RGMA: variants seen among roughly 807,000 people sequenced by gnomAD.
The protein encoded by RGMA is repulsive guidance molecule BMP co-receptor a, also known as repulsive guidance molecule A.
Under a neutral mutation model 23.2 loss-of-function variants are expected in RGMA, and 10 were observed. The ratio of observed to expected loss-of-function variants is 0.43; its 90% confidence interval spans 0.27 to 0.73. RGMA has a LOEUF of 0.73. Ranked by LOEUF, RGMA falls within the 30% of genes least tolerant of loss-of-function variation. The probability of loss-of-function intolerance (pLI) is 0.20; values close to 1 mark genes in which losing one functional copy is unlikely to be tolerated. For missense variants in RGMA, 547 were observed against 630.5 expected (o/e 0.87, Z 1.42); for synonymous variants, 308 against 279.3 (o/e 1.10, Z -1.03).
chr15:93,047,279 C>A (rs969355956), intron 3 of RGMA, among the ~76,000 whole-genome samples: 3 of 152,164 alleles, frequency 2.0e-5, no homozygotes, highest in African/African-American at 7.2e-5. Context: ...GGGTTGGAAA[C>A]AGAGAAACTG....
chr15:93,067,296 C>T (rs1895189070), intron 2 of RGMA, among the ~76,000 whole-genome samples: 1 of 152,094 alleles, frequency 6.6e-6, no homozygotes, highest in Admixed American at 6.5e-5. Context: ...AAAAAAAATC[C>T]TGTGGTCTTT....
At chr15:93,061,326 A>G (rs1330838679) in intron 2 of RGMA, among the ~76,000 whole-genome samples, 6 of 152,000 alleles carry the variant, frequency 3.9e-5, no homozygotes, top group African/African-American at 1.2e-4. Context: ...GCTAATTTTT[A>G]TTTCAGTAGA....
chr15:93,083,403 C>G (rs1895589606), intron 1 of RGMA, among the ~76,000 whole-genome samples: 1 of 152,306 alleles, frequency 6.6e-6, no homozygotes, highest in Non-Finnish European at 1.5e-5. Context: ...TCATAGCTCA[C>G]TGCAACCCCC....
At chr15:93,066,381 T>C in intron 2 of RGMA, 1 of 707,296 alleles carries the variant, frequency 1.4e-6, no homozygotes, top group Non-Finnish European at 2.6e-6. Flanking sequence ...CTTGTTCGCG[T>C]GACTCCAGGT....
In RGMA at chr15:93,089,095, T is replaced by C. The variant is rs1479845768; in HGVS notation, c.-163A>G. ...CAGCGGCCCGGGGAGCGCCTCCTGC[T>C]CCCGGGCTGCATGCCTGCGAGCGCC... On this transcript the variant is annotated 5_prime_UTR_variant, in exon 1 of 4. Coordinates refer to ENST00000329082, the MANE Select transcript of RGMA (RefSeq NM_020211.3). The C allele has an allele frequency of 2.7e-6, 1 of 371,782 alleles. No homozygotes were observed. Among genetic ancestry groups the C allele is most frequent in the Non-Finnish European group, 4.7e-6 (1 of 212,292 alleles). 23.0% of individuals were successfully genotyped at this position (371,782 alleles called of 1,614,324 possible).
chr15:93,052,381 G>T lies in RGMA; in HGVS notation c.257C>A (p.Thr86Lys). 1 of 1,600,202 alleles carries T rather than the reference G, an allele frequency of 6.2e-7. No individual in the cohort carries two copies. Among genetic ancestry groups the T allele is most frequent in the South Asian group, 1.1e-5 (1 of 90,974 alleles). ...CAALRSYALCTRRTARTCRGD... is the reference protein window; with the variant it reads ...CAALRSYALCKRRTARTCRGD... Reference sequence around the variant, plus strand: ...CCGGCAGGTGCGGGCCGTCCGCCGCGTGCACAGGGCGTAGCTGCGCAAGGC... The same window carrying T: ...CCGGCAGGTGCGGGCCGTCCGCCGCTTGCACAGGGCGTAGCTGCGCAAGGC... The change falls in exon 3 of 4, where the codon ACG becomes AAG. Residue 86 changes from threonine to lysine, a missense_variant. Thr to Lys is a moderately conservative substitution (Grantham distance 78, BLOSUM62 -1). Transcript: ENST00000329082.
rs571250944 is a variant in RGMA at position 93,073,268 on chromosome 15, G to A, written c.15-237C>T. ...CCAGCCGCCTGCGCACCGCCCCCTC[G>A]CGCTCGGGTTTCAGCGAGGCCGGCG... is the stretch of plus-strand genomic sequence containing the variant. On this transcript the variant is annotated intron_variant, in intron 1 of 3. Transcript: ENST00000329082. The A allele has an allele frequency of 6.3e-6, 6 of 946,862 alleles. No homozygotes were observed. The African/African-American group carries it at 6.9e-5, about 11-fold the overall frequency. The allele number at this position is 946,862 out of a possible 1,614,324, so 58.7% of individuals were successfully genotyped here. A position where few individuals can be genotyped will look rare whatever the true frequency, so the allele number is the denominator to read the frequency against.
intron 2 of RGMA, among the ~76,000 whole-genome samples, chr15:93,054,709 C>G (rs1186291188): frequency 6.6e-6 from 1 of 152,132 alleles, no homozygotes; most frequent in Non-Finnish European, 1.5e-5. Flanking sequence ...ACTAATACAC[C>G]ACCGTAAAGG....
chr15:93,084,378 C>T (rs1346465784), intron 1 of RGMA, among the ~76,000 whole-genome samples: 3 of 152,220 alleles, frequency 2.0e-5, no homozygotes, highest in African/African-American at 7.2e-5. Context: ...GTCTTCTATT[C>T]TTACAAGCTT....
In RGMA at chr15:93,052,770, G is replaced by T. The variant is rs143352930; in HGVS notation, c.131-263C>A. Among the ~76,000 whole-genome samples, 1,260 of 152,316 alleles carry T rather than the reference G, an allele frequency of 8.3e-3. 13 individuals are homozygous for T. The highest frequency in any genetic ancestry group is 0.029 in the African/African-American group (1,194 of 41,566). On this transcript the variant is annotated intron_variant, in intron 2 of 3. Coordinates refer to ENST00000329082, the MANE Select transcript of RGMA (RefSeq NM_020211.3). ...ATCCTCCCACAGCGCCAGCCTGCTA[G>T]GGAGTGGTCACTGTTTGGGGGCAGT...
rs2054672993 is a variant in RGMA, at chr15:93,037,407, C to T, written c.*7591G>A. 6.6e-6 allele frequency: 1 copy of T among 152,360 alleles called. No homozygotes were observed. The highest frequency in any genetic ancestry group is 1.5e-5 in the Non-Finnish European group (1 of 68,132). The allele number at this position is 152,360 out of a possible 1,614,324, so 9.4% of individuals were successfully genotyped here. A position where few individuals can be genotyped will look rare whatever the true frequency, so the allele number is the denominator to read the frequency against. ...TCCAGGCCCGTGAAACACAAGGTCC[C>T]TCCCCCTAGGCCAGGGCGTGGCGGG... On this transcript the variant is annotated 3_prime_UTR_variant, in exon 4 of 4. Coordinates refer to ENST00000329082, the MANE Select transcript of RGMA (RefSeq NM_020211.3). The surrounding 1 kb of genome is among the most constrained non-coding windows in gnomAD (Gnocchi z 4.3).
At chr15:93,051,891 C>T (rs1375285211) in intron 3 of RGMA, 102 bp downstream of exon 3, 24 of 1,248,882 alleles carry the variant, frequency 1.9e-5, no homozygotes, top group Non-Finnish European at 2.4e-5. Flanking sequence ...GCTCCGTCTT[C>T]CCCCATTCCC....
At chr15:93,073,531 A>G in intron 1 of RGMA, 1 of 1,464,184 alleles carries the variant, frequency 6.8e-7, no homozygotes, top group Non-Finnish European at 9.1e-7. Flanking sequence ...TCCAAGTAGA[A>G]AAACTGTCCT....
chr15:93,056,941 G>C (rs1301622340), intron 2 of RGMA, among the ~76,000 whole-genome samples: 2 of 152,210 alleles, frequency 1.3e-5, no homozygotes, highest in African/African-American at 4.8e-5. Context: ...GGAGGTCAGA[G>C]GTTAGAAGTC....
At chr15:93,073,923 G>C (rs898321536) in intron 1 of RGMA, 2 of 1,436,508 alleles carry the variant, frequency 1.4e-6, no homozygotes, top group Admixed American at 2.8e-5. Flanking sequence ...GTGGCGCGCA[G>C]GGCCGGATGG....
At chr15:93,066,123 G>A in intron 2 of RGMA, 1 of 1,372,552 alleles carries the variant, frequency 7.3e-7, no homozygotes, top group Non-Finnish European at 1.0e-6. Context: ...CATAACAGCT[G>A]CCCTTCACGG....
chr15:93,077,317 A>G (rs1442094701), intron 1 of RGMA, among the ~76,000 whole-genome samples: 1 of 152,182 alleles, frequency 6.6e-6, no homozygotes, highest in Non-Finnish European at 1.5e-5. Context: ...CAAAGCAGCT[A>G]TATCTGAATC....
At chr15:93,060,209 C>G (rs2055080033) in intron 2 of RGMA, among the ~76,000 whole-genome samples, 1 of 152,224 alleles carries the variant, frequency 6.6e-6, no homozygotes, top group Non-Finnish European at 1.5e-5. Flanking sequence ...AGGGGCCACC[C>G]TCCGGCCCCT....
chr15:93,059,277 C>T (rs907510333), intron 2 of RGMA, among the ~76,000 whole-genome samples: 4 of 152,188 alleles, frequency 2.6e-5, no homozygotes, highest in Non-Finnish European at 5.9e-5. Flanking sequence ...GGTCTCAGGG[C>T]AGTAACCAGA....
Sources: allele counts gnomAD v4.1 joint callset (sites outside exome capture counted in the v4.1 genomes callset), GRCh38; gene constraint gnomAD v4.1.1; non-coding constraint Gnocchi (gnomAD v3.1); transcripts MANE v1.5; gene names NCBI Gene and HGNC (gene_info 2026-07-23, HGNC 2026-07-21).